Variants in GH2 observed in about 807,000 individuals in gnomAD.
The protein encoded by GH2 is growth hormone 2, also known as growth hormone variant.
Under a neutral mutation model 24.1 loss-of-function variants are expected in GH2, and 17 were observed. That is an observed-to-expected ratio of 0.71 (90% CI 0.48 to 1.06). GH2 has a LOEUF of 1.06. Ranked by LOEUF, GH2 falls within the 50% of genes least tolerant of loss-of-function variation. The pLI, the probability that GH2 is intolerant of heterozygous loss-of-function variation, is 0.00. For missense variants in GH2, 305 were observed against 273.1 expected (o/e 1.12, Z -0.82); for synonymous variants, 126 against 118.7 (o/e 1.06, Z -0.40).
rs757832053 is a variant in GH2 at position 63,881,397 on chromosome 17, G to A, written c.133C>T (p.Arg45Cys). 1.9e-5 allele frequency: 31 copies of A among 1,613,936 alleles called. No individual in the cohort carries two copies. The highest frequency in any genetic ancestry group is 2.6e-5 in the Non-Finnish European group (31 of 1,179,964). ...LFDNAMLRAR[R>C]LYQLAYDTYQ... The stretch of plus-strand genomic sequence containing the variant: ...GTGTCATATGCCAGCTGGTACAGGC[G>A]ACGGGCGCGGAGCATAGCGTTGTCA... The change falls in exon 2 of 5, where the codon CGC (arginine) becomes TGC (cysteine). Residue 45 changes from arginine to cysteine, a missense_variant. Physicochemically the swap from Arg to Cys is radical, Grantham distance 180. Transcript: ENST00000423893.
chr17:63,881,128 C>T lies in GH2; in HGVS notation c.192G>A (p.Lys64=). ...TCTGCAGGAATGAATACTTCTGCTC[C>T]TTCAGGATATAGGCTTCTTCCTAGG... ...YQEFEEAYIL[K]EQKYSFLQNP... is the part of the protein sequence containing the mutation. Residue 64 remains lysine (K), a synonymous_variant, in exon 3 of 5, where the codon AAG becomes AAA. Coordinates refer to ENST00000423893, the MANE Select transcript of GH2 (RefSeq NM_002059.5). 1.2e-6 allele frequency: 2 copies of T among 1,614,088 alleles called. No homozygotes were observed. Among genetic ancestry groups the T allele is most frequent in the Non-Finnish European group, 1.7e-6 (2 of 1,179,946 alleles).
chr17:63,881,278 G>A, intron 2 of GH2, 81 bp downstream of exon 2: 3 of 1,610,142 alleles, frequency 1.9e-6, no homozygotes, highest in Admixed American at 1.7e-5. Context: ...GAGCTCCTTA[G>A]TCTCCTCCCA....
At position 63,881,851 on chromosome 17, in the gene GH2, G is replaced by T. The variant is rs899372730; in HGVS notation, c.-50C>A. ...GACCCTGAGTGGTTCGGGGAGTTGG[G>T]CCTTGGGATCCTTGAGCTGGTCTCT... is the stretch of plus-strand genomic sequence containing the variant. On this transcript the variant is annotated 5_prime_UTR_variant, in exon 1 of 5. Coordinates refer to ENST00000423893, the MANE Select transcript of GH2 (RefSeq NM_002059.5). 2.5e-6 allele frequency: 4 copies of T among 1,613,612 alleles called. No homozygotes were observed. The highest frequency in any genetic ancestry group is 2.5e-6 in the Non-Finnish European group (3 of 1,179,776).
In GH2 at chr17:63,880,955, C is replaced by T. The variant is rs376145788; in HGVS notation, c.292-19G>A. ...CTAGGTTCTGCAGGGGAAGGACCGG[C>T]AGTGGCTGTGCTGCCCGGGGGCTCT... is the stretch of plus-strand genomic sequence containing the variant. On this transcript the variant is annotated intron_variant, in intron 3 of 4. Transcript: ENST00000423893. 2 of 1,613,940 alleles carry T rather than the reference C, an allele frequency of 1.2e-6. No individual in the cohort carries two copies. Among genetic ancestry groups the T allele is most frequent in the African/African-American group, 2.7e-5 (2 of 74,910 alleles).
rs199921493 is a variant in GH2, at chr17:63,880,832, C to T, written c.396G>A (p.Ser132=). The T allele has an allele frequency of 8.1e-6, 13 of 1,614,016 alleles. No homozygotes were observed. The South Asian group carries it at 8.8e-5, about 11-fold the overall frequency. Residue 132 remains serine, a synonymous_variant, in exon 4 of 5, where the codon TCG becomes TCA. Transcript: ENST00000423893. ...TCAGGTGGCGATAGACGTTGCTGTC[C>T]GAGGCGCCATACACCAGGCTGTTGG... ...VFANSLVYGA[S]DSNVYRHLKD... is the part of the protein sequence containing the mutation.
rs1905527994 is a variant in GH2, at chr17:63,881,491, A to G, written c.39T>C (p.Phe13=). 1 of 1,613,848 alleles carries G rather than the reference A, an allele frequency of 6.2e-7. No homozygotes were observed. The highest frequency in any genetic ancestry group is 1.3e-5 in the African/African-American group (1 of 74,888). Residue 13 remains phenylalanine, a synonymous_variant, in exon 2 of 5, where the codon TTT becomes TTC. Coordinates refer to ENST00000423893, the MANE Select transcript of GH2 (RefSeq NM_002059.5). Reference sequence around the variant, plus strand: ...GAAGCCAGGACAGGCAGAGCAGGCCAAAAGCCAGGAGCAGGGACGTCCGGG... The same window carrying G: ...GAAGCCAGGACAGGCAGAGCAGGCCGAAAGCCAGGAGCAGGGACGTCCGGG... The part of the protein sequence containing the change: ...AGSRTSLLLA[F]GLLCLSWLQE...
chr17:63,881,012 A>G lies in GH2; in HGVS notation c.291+17T>C. The G allele has an allele frequency of 4.3e-6, 7 of 1,614,036 alleles. No individual in the cohort carries two copies. The highest frequency in any genetic ancestry group is 5.9e-6 in the Non-Finnish European group (7 of 1,179,950). ...AGGTCTACCCCATCCCCACCTGGGG[A>G]GAAGGCATCCACTCACAGATTTCTG... On this transcript the variant is annotated intron_variant, in intron 3 of 4. Coordinates refer to ENST00000423893, the MANE Select transcript of GH2 (RefSeq NM_002059.5).
chr17:63,881,220 C>T (rs1905503185), intron 2 of GH2, 72 bp from the exon 3 acceptor site: 4 of 1,612,974 alleles, frequency 2.5e-6, no homozygotes, highest in Non-Finnish European at 3.4e-6. Flanking sequence ...GGGAACCTCA[C>T]TCAGCGTATG....
chr17:63,881,280 C>A, intron 2 of GH2, 79 bp downstream of exon 2: 1 of 1,610,400 alleles, frequency 6.2e-7, no homozygotes, highest in Non-Finnish European at 8.5e-7. Flanking sequence ...GCTCCTTAGT[C>A]TCCTCCCATT....
At chr17:63,881,667 G>C (rs1905545806) in intron 1 of GH2, 125 bp downstream of exon 1, 6 of 1,608,164 alleles carry the variant, frequency 3.7e-6, no homozygotes, top group East Asian at 2.2e-5. Flanking sequence ...CAAATACTGG[G>C]CTTAGATGGC....
rs963780252 is a variant in GH2 at position 63,881,634 on chromosome 17, A to C, written c.11-115T>G. 2.9e-5 allele frequency: 46 copies of C among 1,603,870 alleles called. No individual in the cohort carries two copies. In the African/African-American group the frequency reaches 5.2e-4, roughly 18 times the overall value. On this transcript the variant is annotated intron_variant, in intron 1 of 4. Transcript: ENST00000423893. ...TCTCTCTCTCTGCCTCCCTCCAGGGACCAGGAACATTCAGAGATTGGCCAA... is the reference window on the plus strand; with the variant it reads ...TCTCTCTCTCTGCCTCCCTCCAGGGCCCAGGAACATTCAGAGATTGGCCAA...
In GH2 at chr17:63,881,839, T is replaced by C. The variant is rs373676082; in HGVS notation, c.-38A>G. 8.1e-6 allele frequency: 13 copies of C among 1,613,606 alleles called. No homozygotes were observed. The highest frequency in any genetic ancestry group is 2.7e-5 in the African/African-American group (2 of 74,906). On this transcript the variant is annotated 5_prime_UTR_variant, in exon 1 of 5. Transcript: ENST00000423893. ...AGCTGTCCACAGGACCCTGAGTGGTTCGGGGAGTTGGGCCTTGGGATCCTT... is the reference window on the plus strand; with the variant it reads ...AGCTGTCCACAGGACCCTGAGTGGTCCGGGGAGTTGGGCCTTGGGATCCTT...
chr17:63,881,253 T>G, intron 2 of GH2, 105 bp from the exon 3 acceptor site: 2 of 1,611,534 alleles, frequency 1.2e-6, no homozygotes, highest in Non-Finnish European at 1.7e-6. Flanking sequence ...CATTTTCACT[T>G]CAGAAAACAA....
chr17:63,881,644 T>C (rs1232101117), intron 1 of GH2, 125 bp from the exon 2 acceptor site: 4 of 1,605,754 alleles, frequency 2.5e-6, no homozygotes, highest in Non-Finnish European at 3.4e-6. Flanking sequence ...ACCAGGAACA[T>C]TCAGAGATTG....
At position 63,881,349 on chromosome 17, in the gene GH2, A is replaced by T; in HGVS notation, c.171+10T>A. ...CACCTCTGAAGCGCACCCATTACCC[A>T]AGAGCTTACAAACTCCTGATAGGTG... On this transcript the variant is annotated intron_variant, in intron 2 of 4. Coordinates refer to ENST00000423893, the MANE Select transcript of GH2 (RefSeq NM_002059.5). The T allele has an allele frequency of 6.2e-7, 1 of 1,613,934 alleles. No individual in the cohort carries two copies.
rs1905513963 is a variant in GH2, at chr17:63,881,351, G to A, written c.171+8C>T. On this transcript the variant is annotated splice_region_variant and intron_variant, in intron 2 of 4. Transcript: ENST00000423893. ...CCTCTGAAGCGCACCCATTACCCAA[G>A]AGCTTACAAACTCCTGATAGGTGTC... 22 of 1,613,826 alleles carry A rather than the reference G, an allele frequency of 1.4e-5. No homozygotes were observed. The highest frequency in any genetic ancestry group is 1.8e-5 in the Non-Finnish European group (21 of 1,179,882).
rs766282023 is a variant in GH2 at position 63,880,531 on chromosome 17, G to A, written c.457-13C>T. On this transcript the variant is annotated splice_polypyrimidine_tract_variant and intron_variant, in intron 4 of 4. Coordinates refer to ENST00000423893, the MANE Select transcript of GH2 (RefSeq NM_002059.5). ...CATCTTCCAGCCTCTGCAAAGTGAAGGAAGAGAAGGAGAGGCCAAGCGCTT... is the reference window on the plus strand; with the variant it reads ...CATCTTCCAGCCTCTGCAAAGTGAAAGAAGAGAAGGAGAGGCCAAGCGCTT... 5 of 1,613,678 alleles carry A rather than the reference G, an allele frequency of 3.1e-6. No homozygotes were observed. The highest frequency in any genetic ancestry group is 3.3e-5 in the Admixed American group (2 of 59,990).
In GH2 at chr17:63,880,642, G is replaced by A. The variant is rs758923928; in HGVS notation, c.457-124C>T. 30 of 1,613,890 alleles carry A rather than the reference G, an allele frequency of 1.9e-5. No homozygotes were observed. In the African/African-American group the frequency reaches 3.6e-4, roughly 19 times the overall value. ...GAAAGGCCTGGAGGATTCACGAGGG[G>A]AAATGAAGAATACGGTGAGTTCTCT... On this transcript the variant is annotated intron_variant, in intron 4 of 4. Transcript: ENST00000423893.
chr17:63,881,162 C>G lies in GH2; in HGVS notation c.172-14G>C, dbSNP rs1423008841. The G allele has an allele frequency of 1.9e-6, 3 of 1,614,020 alleles. No homozygotes were observed. Among genetic ancestry groups the G allele is most frequent in the Non-Finnish European group, 2.5e-6 (3 of 1,179,930 alleles). ...ATAGGCTTCTTCCTAGGAGAAGGAC[C>G]GCCCACCAAGGTCTATGCTGGAGAC... is the stretch of plus-strand genomic sequence containing the variant. On this transcript the variant is annotated splice_polypyrimidine_tract_variant and intron_variant, in intron 2 of 4. Coordinates refer to ENST00000423893, the MANE Select transcript of GH2 (RefSeq NM_002059.5).
Sources: allele counts gnomAD v4.1 joint callset, GRCh38; gene constraint gnomAD v4.1.1; transcripts MANE v1.5; gene names NCBI Gene and HGNC (gene_info 2026-07-23, HGNC 2026-07-21).